ADGB: variants seen among roughly 807,000 people sequenced by gnomAD.
The protein encoded by ADGB is calpain-7-like protein.
A neutral mutation model predicts 210.5 loss-of-function variants in ADGB; 172 were observed. The observed-to-expected ratio is 0.82, with a 90% CI of 0.72 to 0.93. The LOEUF is 0.93. Ranked by LOEUF, ADGB falls within the 40% of genes least tolerant of loss-of-function variation. The pLI is 0.00. For missense variants in ADGB, 2,025 were observed against 1,964.8 expected (o/e 1.03, Z -0.58); for synonymous variants, 658 against 662.7 (o/e 0.99, Z 0.11).
intron 23 of ADGB, among the ~76,000 whole-genome samples, chr6:146,738,528 C>A (rs1309496242): frequency 6.9e-6 from 1 of 145,220 alleles, no homozygotes; most frequent in Non-Finnish European, 1.5e-5. Flanking sequence ...GGGCTCACTG[C>A]GAGCTCCACC....
At chr6:146,665,387 T>C (rs1368482401) in intron 6 of ADGB, among the ~76,000 whole-genome samples, 1 of 152,072 alleles carries the variant, frequency 6.6e-6, no homozygotes, top group Non-Finnish European at 1.5e-5. Context: ...TCACCCAGCT[T>C]TTAGCACTTA....
chr6:146,669,170 G>A (rs112967959), intron 7 of ADGB, among the ~76,000 whole-genome samples: 1,813 of 152,160 alleles, frequency 0.012, 31 homozygotes, highest in African/African-American at 0.041. Context: ...ACTGTATAAT[G>A]TTCCAGAGCT....
At chr6:146,721,263 TC>T (rs772865492) in intron 16 of ADGB, 139 bp from the exon 17 acceptor site, 1 of 595,158 alleles carries the variant, frequency 1.7e-6, no homozygotes, top group Non-Finnish European at 3.0e-6. Context: ...ATAATTAGAT[TC>T]ATAAAGTATT....
At chr6:146,785,588 G>T in intron 31 of ADGB, 22 bp from the exon 32 acceptor site, 1 of 1,539,032 alleles carries the variant, frequency 6.5e-7, no homozygotes, top group Non-Finnish European at 8.8e-7. Flanking sequence ...CTTTTAAAAA[G>T]CTGCTCATGT....
intron 23 of ADGB, among the ~76,000 whole-genome samples, chr6:146,739,912 T>A (rs1777138238): frequency 6.6e-6 from 1 of 152,216 alleles, no homozygotes; most frequent in East Asian, 1.9e-4. Flanking sequence ...CTCAGCTCCA[T>A]AATTAGTTTA....
chr6:146,792,341 C>T (rs931201404), intron 33 of ADGB, among the ~76,000 whole-genome samples: 6 of 152,076 alleles, frequency 3.9e-5, no homozygotes, highest in Admixed American at 2.0e-4. Context: ...TTAATTCTTC[C>T]AGTCTATGAA....
At chr6:146,634,937 TAAC>T (rs199948638) in intron 1 of ADGB, among the ~76,000 whole-genome samples, 1,736 of 152,128 alleles carry the variant, frequency 0.011, 19 homozygotes, top group Admixed American at 0.019. Context: ...TGAGAAATAT[TAAC>T]AATATGCTGA....
intron 2 of ADGB, among the ~76,000 whole-genome samples, chr6:146,638,599 T>A: frequency 3.4e-5 from 1 of 29,032 alleles, no homozygotes; most frequent in Non-Finnish European, 6.7e-5. Context: ...CACTGGGGCC[T>A]GTTGTGGGGT....
chr6:146,807,380 T>A, intron 35 of ADGB: 1 of 1,547,522 alleles, frequency 6.5e-7, no homozygotes, highest in South Asian at 1.2e-5. Flanking sequence ...AATTATTTGT[T>A]TGGGGTTTTG....
chr6:146,717,675 T>C (rs960531060), intron 16 of ADGB, 76 bp downstream of exon 16: 1 of 709,352 alleles, frequency 1.4e-6, no homozygotes, highest in African/African-American at 1.9e-5. Flanking sequence ...TCTTCAAATT[T>C]CTCAAAACAT....
chr6:146,809,676 A>G (rs963121403), intron 35 of ADGB, among the ~76,000 whole-genome samples: 5 of 152,200 alleles, frequency 3.3e-5, no homozygotes, highest in African/African-American at 1.2e-4. Context: ...ATAAATGATC[A>G]ACTAATTTTT....
chr6:146,704,449 G>C (rs1425002663), intron 13 of ADGB, among the ~76,000 whole-genome samples: 5 of 151,916 alleles, frequency 3.3e-5, no homozygotes, highest in Admixed American at 1.3e-4. Flanking sequence ...CATACATTCA[G>C]GTCTTAAAGT....
chr6:146,636,190 C>G (rs1388146624), intron 2 of ADGB, among the ~76,000 whole-genome samples: 1 of 151,936 alleles, frequency 6.6e-6, no homozygotes, highest in Admixed American at 6.6e-5. Context: ...AAAATATGAC[C>G]TATTTATTGG....
chr6:146,808,666 A>G (rs1055742220), intron 35 of ADGB, among the ~76,000 whole-genome samples: 8 of 152,150 alleles, frequency 5.3e-5, no homozygotes, highest in African/African-American at 1.9e-4. Context: ...GATTTTACTT[A>G]TCCTTTCTAC....
At chr6:146,638,823 TATGTG>T (rs2114862697) in intron 2 of ADGB, 1 of 151,012 alleles carries the variant, frequency 6.6e-6, no homozygotes, top group African/African-American at 2.4e-5. Flanking sequence ...AACAGAAATG[TATGTG>T]ATGATCAGTG....
chr6:146,708,518 A>C (rs1007697677), intron 13 of ADGB, among the ~76,000 whole-genome samples: 1 of 152,014 alleles, frequency 6.6e-6, no homozygotes, highest in Admixed American at 6.6e-5. Flanking sequence ...ATTTTTATTC[A>C]GTACCTTGAC....
chr6:146,625,813 G>T (rs1390502144), intron 1 of ADGB, among the ~76,000 whole-genome samples: 2 of 151,852 alleles, frequency 1.3e-5, no homozygotes, highest in African/African-American at 2.4e-5. Flanking sequence ...TTCAGTGTGT[G>T]TTGCTAGCAA....
chr6:146,759,437 A>G (rs916828355), intron 27 of ADGB, among the ~76,000 whole-genome samples: 1 of 151,760 alleles, frequency 6.6e-6, no homozygotes, highest in African/African-American at 2.4e-5. Context: ...TAAAATTTGT[A>G]ATTTGGGAAA....
intron 13 of ADGB, among the ~76,000 whole-genome samples, chr6:146,701,988 G>A (rs1270282041): frequency 6.6e-6 from 1 of 151,782 alleles, no homozygotes; most frequent in Non-Finnish European, 1.5e-5. Context: ...TGTGGATAGG[G>A]TCAGTTATTG....
Sources: gnomAD v4.1 joint callset for allele counts (sites outside exome capture counted in the v4.1 genomes callset) on GRCh38, gnomAD v4.1.1 for gene constraint, MANE v1.5 for transcripts, NCBI Gene and HGNC (gene_info 2026-07-23, HGNC 2026-07-21) for gene names.